Variants in WDFY1 observed in about 807,000 individuals in gnomAD.
WDFY1 encodes WD repeat and FYVE domain-containing protein 1.
In WDFY1, 32 loss-of-function variants were observed where a neutral mutation model predicts 56.4. That is an observed-to-expected ratio of 0.57 (90% CI 0.43 to 0.76). The LOEUF is 0.76. Ranked by LOEUF, WDFY1 falls within the 30% of genes least tolerant of loss-of-function variation. The pLI, the probability that WDFY1 is intolerant of heterozygous loss-of-function variation, is 0.00. For missense variants in WDFY1, 480 were observed against 545.7 expected (o/e 0.88, Z 1.20); for synonymous variants, 192 against 197.3 (o/e 0.97, Z 0.23).
chr2:223,918,817 C>T (rs544215648), intron 1 of WDFY1, among the ~76,000 whole-genome samples: 3 of 152,182 alleles, frequency 2.0e-5, no homozygotes, highest in Non-Finnish European at 2.9e-5. Flanking sequence ...AGGGGCGCCA[C>T]GCACACCAGG....
intron 1 of WDFY1, among the ~76,000 whole-genome samples, chr2:223,941,343 G>A (rs1689303443): frequency 6.6e-6 from 1 of 151,946 alleles, no homozygotes; most frequent in South Asian, 2.1e-4. Flanking sequence ...TGTTGCTATT[G>A]TCACTGCCCA....
rs116099353 is a variant in WDFY1, at chr2:223,923,119, C to T, written c.138-5109G>A. Among the ~76,000 whole-genome samples the T allele has an allele frequency of 3.6e-3, 546 of 152,268 alleles. 5 individuals carry two copies. The highest frequency in any genetic ancestry group is 0.017 in the East Asian group (87 of 5,186). ...TGAGGCAACTGGCCTGGATGGTTGG[C>T]GCTACCTTTGTCTTTACACCTTCAT... is the stretch of plus-strand genomic sequence containing the variant. On this transcript the variant is annotated intron_variant, in intron 1 of 11. Transcript: ENST00000233055.
chr2:223,896,883 A>G (rs1401724293), intron 6 of WDFY1, among the ~76,000 whole-genome samples: 1 of 152,204 alleles, frequency 6.6e-6, no homozygotes, highest in African/African-American at 2.4e-5. Context: ...GTCTTTCAGC[A>G]TGAAAACCAG....
chr2:223,912,410 G>T, intron 2 of WDFY1, 84 bp from the exon 3 acceptor site: 1 of 1,055,290 alleles, frequency 9.5e-7, no homozygotes, highest in African/African-American at 1.6e-5. Flanking sequence ...TATATGATAA[G>T]AACTATATAA....
chr2:223,891,983 T>C (rs562270481), intron 8 of WDFY1, among the ~76,000 whole-genome samples: 1 of 152,214 alleles, frequency 6.6e-6, no homozygotes, highest in African/African-American at 2.4e-5. Flanking sequence ...TATATATATA[T>C]ACATATTTTT....
chr2:223,910,931 G>GA (rs1215957347), intron 3 of WDFY1, among the ~76,000 whole-genome samples: 1 of 151,970 alleles, frequency 6.6e-6, no homozygotes, highest in African/African-American at 2.4e-5. Context: ...CAAGAGAATA[G>GA]AAAAAAATAT....
At chr2:223,896,105 A>T (rs1216455708) in intron 6 of WDFY1, among the ~76,000 whole-genome samples, 1 of 140,908 alleles carries the variant, frequency 7.1e-6, no homozygotes, top group Non-Finnish European at 1.5e-5. Context: ...GCAGTGAGCC[A>T]AGATAGCACC....
intron 4 of WDFY1, among the ~76,000 whole-genome samples, 186 bp from the exon 5 acceptor site, chr2:223,901,519 GCT>G (rs1223253810): frequency 4.6e-5 from 7 of 152,270 alleles, no homozygotes; most frequent in African/African-American, 1.7e-4. Context: ...ACTAGCACAG[GCT>G]CTCTCCAAGG....
chr2:223,912,388 G>GTGAT (rs3841657), intron 2 of WDFY1, 62 bp from the exon 3 acceptor site: 1,317,174 of 1,456,376 alleles, frequency 0.9, 600,796 homozygotes, highest in Non-Finnish European at 0.94. Context: ...GTTCTTCAAA[G>GTGAT]TGATTAAGAA....
At chr2:223,886,668 T>G (rs1339745469) in intron 8 of WDFY1, among the ~76,000 whole-genome samples, 1 of 134,068 alleles carries the variant, frequency 7.5e-6, no homozygotes, top group Non-Finnish European at 1.5e-5. Context: ...AGGTGGAGGT[T>G]GCAGTGAGCA....
intron 1 of WDFY1, among the ~76,000 whole-genome samples, chr2:223,934,638 G>T (rs560502490): frequency 1.3e-5 from 2 of 151,936 alleles, no homozygotes; most frequent in East Asian, 3.9e-4. Flanking sequence ...CTCCTGCCTC[G>T]ACCTCCCCAG....
chr2:223,928,962 T>A (rs1292403334), intron 1 of WDFY1, among the ~76,000 whole-genome samples: 1 of 151,950 alleles, frequency 6.6e-6, no homozygotes, highest in African/African-American at 2.4e-5. Flanking sequence ...AGACTAGAGG[T>A]GCCTGGGTAG....
chr2:223,883,036 T>C (rs769361620), intron 9 of WDFY1, among the ~76,000 whole-genome samples: 5 of 152,064 alleles, frequency 3.3e-5, no homozygotes, highest in Non-Finnish European at 7.4e-5. Flanking sequence ...GCCTAAAGGG[T>C]TTTAAAATAA....
chr2:223,915,359 G>C (rs1693770304), intron 2 of WDFY1, among the ~76,000 whole-genome samples: 1 of 152,056 alleles, frequency 6.6e-6, no homozygotes, highest in Non-Finnish European at 1.5e-5. Context: ...GCTGAAGACA[G>C]AGAGATCCAC....
chr2:223,928,516 G>A (rs1168579402), intron 1 of WDFY1, among the ~76,000 whole-genome samples: 2 of 152,310 alleles, frequency 1.3e-5, no homozygotes, highest in Non-Finnish European at 2.9e-5. Context: ...GACCTCCCCA[G>A]TGAGCCACAA....
At chr2:223,911,862 C>T (rs1327693509) in intron 3 of WDFY1, among the ~76,000 whole-genome samples, 3 of 151,294 alleles carry the variant, frequency 2.0e-5, no homozygotes, top group African/African-American at 7.3e-5. Flanking sequence ...GCTGCCCAGG[C>T]GAAAGTGCAG....
chr2:223,884,639 G>A lies in WDFY1; in HGVS notation c.933+9C>T. 1.2e-6 allele frequency: 2 copies of A among 1,612,952 alleles called. No homozygotes were observed. The highest frequency in any genetic ancestry group is 8.5e-7 in the Non-Finnish European group (1 of 1,178,976). On this transcript the variant is annotated intron_variant, in intron 9 of 11. Coordinates refer to ENST00000233055, the MANE Select transcript of WDFY1 (RefSeq NM_020830.5). Reference sequence around the variant, plus strand: ...TCAAGCCAGAGATGACTCGACAGTGGCTACTCACTTGTCTTAGCCCCAGCG... The same window carrying A: ...TCAAGCCAGAGATGACTCGACAGTGACTACTCACTTGTCTTAGCCCCAGCG...
At chr2:223,936,493 C>A (rs991185130) in intron 1 of WDFY1, among the ~76,000 whole-genome samples, 1 of 152,168 alleles carries the variant, frequency 6.6e-6, no homozygotes, top group Non-Finnish European at 1.5e-5. Flanking sequence ...TGCTGGAACT[C>A]AGGGAAGCCA....
chr2:223,894,034 G>GGTAGAAACTCTCAAAT (rs546789564), intron 8 of WDFY1, among the ~76,000 whole-genome samples, 200 bp downstream of exon 8: 117 of 152,316 alleles, frequency 7.7e-4, no homozygotes, highest in Non-Finnish European at 1.4e-3. Flanking sequence ...GCATGTCATT[G>GGTAGAAACTCTCAAAT]GTAGAAACTC....
Sources: allele counts gnomAD v4.1 joint callset (sites outside exome capture counted in the v4.1 genomes callset), GRCh38; gene constraint gnomAD v4.1.1; transcripts MANE v1.5; gene names NCBI Gene and HGNC (gene_info 2026-07-23, HGNC 2026-07-21).